The following GALNT2 variants were observed in gnomAD, a reference collection of about 807,000 sequenced individuals.
The protein encoded by GALNT2 is polypeptide N-acetylgalactosaminyltransferase 2.
Under a neutral mutation model 81.4 loss-of-function variants are expected in GALNT2, and 31 were observed. The observed-to-expected ratio is 0.38, with a 90% CI of 0.29 to 0.51. The LOEUF is 0.51. Ranked by LOEUF, GALNT2 falls within the 20% of genes least tolerant of loss-of-function variation. GALNT2 has a pLI of 0.87. For synonymous variants in GALNT2, 303 were observed against 287.4 expected (o/e 1.05, Z -0.55); for missense variants, 629 against 765.7 (o/e 0.82, Z 2.11).
intron 1 of GALNT2, among the ~76,000 whole-genome samples, chr1:230,081,952 G>T (rs547660730): frequency 6.6e-6 from 1 of 152,194 alleles, no homozygotes; most frequent in African/African-American, 2.4e-5. Flanking sequence ...TGATGCTGAC[G>T]AGCTTAGTGA....
chr1:230,249,254 C>T lies in GALNT2; in HGVS notation c.888C>T (p.Asn296=). 1 of 1,614,030 alleles carries T rather than the reference C, an allele frequency of 6.2e-7. No individual in the cohort carries two copies. The highest frequency in any genetic ancestry group is 1.1e-5 in the South Asian group (1 of 91,076). Residue 296 remains asparagine, a synonymous_variant, in exon 9 of 16, where the codon AAC becomes AAT. Coordinates refer to ENST00000366672, the MANE Select transcript of GALNT2 (RefSeq NM_004481.5). ...TPEQRRSRQG[N]PVAPIKTPMI... is the part of the protein sequence containing the mutation. ...AGCAGAGAAGGTCCCGGCAGGGGAACCCAGTCGCCCCTATAAAGTAAGTGC... is the reference window on the plus strand; with the variant it reads ...AGCAGAGAAGGTCCCGGCAGGGGAATCCAGTCGCCCCTATAAAGTAAGTGC...
intron 1 of GALNT2, among the ~76,000 whole-genome samples, chr1:230,171,229 C>CT (rs1047986145): frequency 6.6e-6 from 1 of 152,192 alleles, no homozygotes; most frequent in African/African-American, 2.4e-5. Context: ...TAGCGGGAAA[C>CT]TAAGTCTACT....
At chr1:230,185,279 T>TGTGTGTGTGTGTGTGTGC (rs1663291099) in intron 2 of GALNT2, among the ~76,000 whole-genome samples, 1 of 125,434 alleles carries the variant, frequency 8.0e-6, no homozygotes, top group African/African-American at 3.3e-5. Context: ...CGTGCGTGTG[T>TGTGTGTGTGTGTGTGTGC]GTGTGTGTGT....
chr1:230,068,193 GCCGAGTGATCTGGCTGTGGGGA>G (rs972306841), intron 1 of GALNT2, among the ~76,000 whole-genome samples: 7 of 152,248 alleles, frequency 4.6e-5, no homozygotes, highest in African/African-American at 1.7e-4. Context: ...TGCTCCAGGG[GCCGAGTGATCTGGCTGTGGGGA>G]CCGTGTGAGC....
intron 3 of GALNT2, among the ~76,000 whole-genome samples, chr1:230,215,894 A>ACTTTATGTAT (rs1294366297): frequency 1.3e-5 from 2 of 152,246 alleles, no homozygotes; most frequent in Non-Finnish European, 2.9e-5. Flanking sequence ...CTTTAAGTAA[A>ACTTTATGTAT]GAATGAACTG....
chr1:230,272,492 G>A (rs11122476), intron 14 of GALNT2, among the ~76,000 whole-genome samples: 11,064 of 152,156 alleles, frequency 0.073, 1,003 homozygotes, highest in East Asian at 0.37. Context: ...TCTTTCCTAG[G>A]ATTCCTCACA....
intron 1 of GALNT2, among the ~76,000 whole-genome samples, chr1:230,103,824 C>T (rs1660466286): frequency 6.6e-6 from 1 of 152,122 alleles, no homozygotes; most frequent in African/African-American, 2.4e-5. Flanking sequence ...TTTAGACAAA[C>T]CCCTTATTAG....
At chr1:230,105,316 C>T (rs894536494) in intron 1 of GALNT2, among the ~76,000 whole-genome samples, 3 of 152,206 alleles carry the variant, frequency 2.0e-5, no homozygotes, top group Non-Finnish European at 1.5e-5. Flanking sequence ...TGGTTTTAGA[C>T]ATTGTTTGGT....
intron 10 of GALNT2, among the ~76,000 whole-genome samples, chr1:230,254,060 G>A (rs1301568167): frequency 1.3e-5 from 2 of 152,152 alleles, no homozygotes; most frequent in African/African-American, 4.8e-5. Context: ...AGATAATACA[G>A]AGGAAAATTC....
upstream of GALNT2, among the ~76,000 whole-genome samples, chr1:230,062,551 CT>C: frequency 6.6e-6 from 1 of 152,180 alleles, no homozygotes; most frequent in East Asian, 1.9e-4. Context: ...TGCCATTTTA[CT>C]TTTTGCCTCT....
At chr1:230,126,991 T>C (rs1011748663) in intron 1 of GALNT2, among the ~76,000 whole-genome samples, 31 of 152,218 alleles carry the variant, frequency 2.0e-4, no homozygotes, top group African/African-American at 6.8e-4. Context: ...CGGTTTCCTC[T>C]TCCTGGTAGT....
intron 1 of GALNT2, among the ~76,000 whole-genome samples, chr1:230,137,376 G>A (rs1661583049): frequency 6.6e-6 from 1 of 152,200 alleles, no homozygotes; most frequent in African/African-American, 2.4e-5. Flanking sequence ...GATGTCCTTG[G>A]TGGCTGGGAG....
In GALNT2 at chr1:230,210,410, T is replaced by C. The variant is rs369540811; in HGVS notation, c.374+7120T>C. 3.7e-3 allele frequency among the ~76,000 whole-genome samples: 563 copies of C among 152,340 alleles called. 2 individuals are homozygous for C. The highest frequency in any genetic ancestry group is 0.013 in the African/African-American group (544 of 41,580). ...GCTTGTTAAAGAAACAGGTTTCCTT[T>C]GGGTTTCAAACGTTTAGTTATTAGA... On this transcript the variant is annotated intron_variant, in intron 3 of 15. Transcript: ENST00000366672.
chr1:230,164,333 C>T lies in GALNT2; in HGVS notation c.127-13885C>T, dbSNP rs56200521. Among the ~76,000 whole-genome samples the T allele has an allele frequency of 2.6e-5, 4 of 152,250 alleles. No homozygotes were observed. In the South Asian group the frequency reaches 6.2e-4, roughly 24 times the overall value. On this transcript the variant is annotated intron_variant, in intron 1 of 15. Coordinates refer to ENST00000366672, the MANE Select transcript of GALNT2 (RefSeq NM_004481.5). ...TGCCCGTACATGCACTGTCAGCACCCGAGTTCCCTGTACACATTTACTGCT... is the reference window on the plus strand; with the variant it reads ...TGCCCGTACATGCACTGTCAGCACCTGAGTTCCCTGTACACATTTACTGCT...
intron 11 of GALNT2, among the ~76,000 whole-genome samples, chr1:230,256,367 A>G (rs1365593319): frequency 6.7e-6 from 1 of 149,722 alleles, no homozygotes; most frequent in Non-Finnish European, 1.5e-5. Flanking sequence ...AATCGCTTGA[A>G]CTCGGGAGGT....
At chr1:230,173,350 G>A (rs1431884317) in intron 1 of GALNT2, among the ~76,000 whole-genome samples, 2 of 152,140 alleles carry the variant, frequency 1.3e-5, no homozygotes, top group Non-Finnish European at 2.9e-5. Flanking sequence ...CTAGACCTCT[G>A]GTTAAACTTC....
Position 230,275,017 on chromosome 1 carries a change from CATAT to C in GALNT2, c.1560+457_1560+460del, listed in dbSNP as rs1287653668. ...TACATATATACATGCCACATATATA[CATAT>C]ATACACGCCACATATATACACATAT... On this transcript the variant is annotated intron_variant, in intron 15 of 15. Coordinates refer to ENST00000366672, the MANE Select transcript of GALNT2 (RefSeq NM_004481.5). The surrounding 1 kb of genome is among the most constrained non-coding windows in gnomAD (Gnocchi z 5.5). Among the ~76,000 whole-genome samples the C allele has an allele frequency of 6.6e-6, 1 of 151,028 alleles. No homozygotes were observed. Among genetic ancestry groups the C allele is most frequent in the East Asian group, 1.9e-4 (1 of 5,136 alleles).
intron 1 of GALNT2, among the ~76,000 whole-genome samples, chr1:230,087,320 G>T (rs1458688468): frequency 6.6e-6 from 1 of 152,200 alleles, no homozygotes; most frequent in Non-Finnish European, 1.5e-5. Flanking sequence ...TATGTGCAGG[G>T]TGAAGGAATA....
chr1:230,118,466 G>A (rs1312418003), intron 1 of GALNT2, among the ~76,000 whole-genome samples: 4 of 152,174 alleles, frequency 2.6e-5, no homozygotes, highest in East Asian at 1.9e-4. Flanking sequence ...TTTTGACCAG[G>A]GCGGTTAGTC....
Sources: gnomAD v4.1 joint callset for allele counts (sites outside exome capture counted in the v4.1 genomes callset) on GRCh38, gnomAD v4.1.1 for gene constraint, Gnocchi (gnomAD v3.1) non-coding constraint, MANE v1.5 for transcripts, NCBI Gene and HGNC (gene_info 2026-07-23, HGNC 2026-07-21) for gene names.